HMCN1: variants seen among roughly 807,000 people sequenced by gnomAD.
HMCN1 encodes the protein hemicentin-1.
A neutral mutation model predicts 625.9 loss-of-function variants in HMCN1; 321 were observed. The observed-to-expected ratio is 0.51, with a 90% CI of 0.47 to 0.56. The LOEUF (loss-of-function observed/expected upper bound fraction) is 0.56, where lower values mean the gene tolerates loss of function less well. Ranked by LOEUF, HMCN1 falls within the 20% of genes least tolerant of loss-of-function variation. The probability of loss-of-function intolerance (pLI) is 0.00; values close to 1 mark genes in which losing one functional copy is unlikely to be tolerated. For missense variants in HMCN1, 6,588 were observed against 6,887.3 expected (o/e 0.96, Z 1.54); for synonymous variants, 2,425 against 2,417.6 (o/e 1.00, Z -0.09).
chr1:185,908,121 G>T (rs1021657225), intron 4 of HMCN1, among the ~76,000 whole-genome samples: 6 of 151,604 alleles, frequency 4.0e-5, no homozygotes, highest in Admixed American at 3.3e-4. Flanking sequence ...TTAGTACCTG[G>T]AAAACCATCT....
intron 49 of HMCN1, among the ~76,000 whole-genome samples, chr1:186,067,365 C>T (rs1158385298): frequency 6.6e-6 from 1 of 152,004 alleles, no homozygotes. Flanking sequence ...CCCTGCTTGC[C>T]CCTCATTGCT....
At chr1:185,770,176 C>T (rs1656143117) in intron 1 of HMCN1, among the ~76,000 whole-genome samples, 1 of 152,100 alleles carries the variant, frequency 6.6e-6, no homozygotes, top group Admixed American at 6.6e-5. Context: ...AAAACATCAC[C>T]ACTCTCTATA....
At chr1:185,779,141 C>T (rs1319082485) in intron 1 of HMCN1, among the ~76,000 whole-genome samples, 3 of 152,176 alleles carry the variant, frequency 2.0e-5, no homozygotes, top group Non-Finnish European at 4.4e-5. Context: ...GCATAAATGT[C>T]TTCTTTTGAG....
At chr1:186,151,143 A>G (rs1027849624) in intron 93 of HMCN1, 57 bp from the exon 94 acceptor site, 9 of 1,571,556 alleles carry the variant, frequency 5.7e-6, no homozygotes, top group South Asian at 1.1e-5. Flanking sequence ...CTTTTCTCCC[A>G]TGTAATGTTG....
intron 1 of HMCN1, among the ~76,000 whole-genome samples, chr1:185,837,778 C>T (rs989649332): frequency 2.0e-5 from 3 of 152,112 alleles, no homozygotes; most frequent in African/African-American, 7.2e-5. Context: ...TAAATGGTTC[C>T]TCTTTTAATA....
chr1:185,936,232 CTTT>C (rs1349746954), intron 11 of HMCN1, among the ~76,000 whole-genome samples: 2 of 151,956 alleles, frequency 1.3e-5, no homozygotes, highest in Non-Finnish European at 2.9e-5. Flanking sequence ...GAATTTTCTT[CTTT>C]AAGATAGTAT....
chr1:186,113,038 C>T (rs1571368965), intron 72 of HMCN1, 85 bp downstream of exon 72: 17 of 1,476,850 alleles, frequency 1.2e-5, no homozygotes, highest in Non-Finnish European at 1.3e-5. Flanking sequence ...TATGAGCATA[C>T]TAAATGAAGC....
At chr1:185,791,447 C>T (rs554278826) in intron 1 of HMCN1, among the ~76,000 whole-genome samples, 9 of 152,184 alleles carry the variant, frequency 5.9e-5, no homozygotes, top group Non-Finnish European at 1.2e-4. Context: ...TGGCTGGGCA[C>T]GGCGGCTGAC....
At chr1:185,828,627 C>G (rs1660666591) in intron 1 of HMCN1, among the ~76,000 whole-genome samples, 1 of 151,990 alleles carries the variant, frequency 6.6e-6, no homozygotes, top group African/African-American at 2.4e-5. Context: ...TTCAAGTAGC[C>G]ATGGAGTGTT....
At position 186,145,984 on chromosome 1, in the gene HMCN1, G is replaced by T. The variant is rs1650294568; in HGVS notation, c.14608+61G>T. On this transcript the variant is annotated intron_variant, in intron 93 of 106. Transcript: ENST00000271588. ...GAGCCTTTGTGCAAATTAGAGAAAGGTGCCACAAATTACAAAACAATGCCA... is the reference window on the plus strand; with the variant it reads ...GAGCCTTTGTGCAAATTAGAGAAAGTTGCCACAAATTACAAAACAATGCCA... 3 of 1,550,544 alleles carry T rather than the reference G, an allele frequency of 1.9e-6. No individual in the cohort carries two copies. In the East Asian group the frequency reaches 6.8e-5, roughly 35 times the overall value.
At chr1:185,876,455 G>C (rs1481231251) in intron 4 of HMCN1, among the ~76,000 whole-genome samples, 1 of 151,996 alleles carries the variant, frequency 6.6e-6, no homozygotes, top group African/African-American at 2.4e-5. Flanking sequence ...TCAAATGGTA[G>C]TACTGTTTTT....
chr1:185,795,936 GC>G (rs1288156148), intron 1 of HMCN1, among the ~76,000 whole-genome samples: 7 of 152,162 alleles, frequency 4.6e-5, no homozygotes, highest in African/African-American at 1.7e-4. Context: ...CTATAGCTAT[GC>G]TACCTTATTA....
At chr1:185,738,677 C>T (rs190467780) in intron 1 of HMCN1, among the ~76,000 whole-genome samples, 31 of 152,272 alleles carry the variant, frequency 2.0e-4, no homozygotes, top group South Asian at 4.1e-4. Context: ...TTCCCACCAG[C>T]GCTGTGTGAG....
chr1:185,771,662 A>G (rs544860952), intron 1 of HMCN1, among the ~76,000 whole-genome samples: 75 of 152,282 alleles, frequency 4.9e-4, no homozygotes, highest in African/African-American at 1.7e-3. Flanking sequence ...TTAGTCACTG[A>G]TTGGATTTGT....
intron 17 of HMCN1, among the ~76,000 whole-genome samples, chr1:185,981,514 C>A (rs575714332): frequency 3.3e-5 from 5 of 152,138 alleles, no homozygotes; most frequent in Non-Finnish European, 7.4e-5. Flanking sequence ...GACTAAAATA[C>A]CCATTTGATC....
chr1:186,001,182 T>A, intron 26 of HMCN1, 116 bp from the exon 27 acceptor site: 1 of 893,878 alleles, frequency 1.1e-6, no homozygotes, highest in Non-Finnish European at 1.8e-6. Context: ...TAAATATGTC[T>A]AGCTTTTCTA....
intron 21 of HMCN1, 124 bp downstream of exon 21, chr1:185,989,771 TA>T (rs1462654455): frequency 1.3e-4 from 98 of 749,362 alleles, no homozygotes; most frequent in South Asian, 4.1e-4. Context: ...CCCAGATTTC[TA>T]TTTTTTTTTT....
chr1:186,015,547 T>C, intron 31 of HMCN1, 110 bp downstream of exon 31: 2 of 1,040,936 alleles, frequency 1.9e-6, no homozygotes, highest in Admixed American at 3.6e-5. Context: ...TTTTTCAATA[T>C]GCATGGATAG....
At chr1:185,913,891 A>G (rs1313558047) in intron 6 of HMCN1, among the ~76,000 whole-genome samples, 7 of 152,154 alleles carry the variant, frequency 4.6e-5, no homozygotes, top group Non-Finnish European at 8.8e-5. Context: ...AATGAGGATT[A>G]GTTCTATGAG....
Sources: allele counts gnomAD v4.1 joint callset (sites outside exome capture counted in the v4.1 genomes callset), GRCh38; gene constraint gnomAD v4.1.1; transcripts MANE v1.5; gene names NCBI Gene and HGNC (gene_info 2026-07-23, HGNC 2026-07-21).